LIPA: variants seen among roughly 807,000 people sequenced by gnomAD.
LIPA encodes lipase A, lysosomal acid type, also known as lysosomal acid lipase/cholesteryl ester hydrolase.
In LIPA, 26 loss-of-function variants were observed where a neutral mutation model predicts 40.6. The observed-to-expected ratio is 0.64, with a 90% confidence interval of 0.47 to 0.89. The LOEUF (loss-of-function observed/expected upper bound fraction) is 0.89, where lower values mean the gene tolerates loss of function less well. Among genes scored for constraint, LIPA ranks in the 40% least tolerant of loss-of-function variants. LIPA has a pLI of 0.00. For missense variants in LIPA, 455 were observed against 479.6 expected (o/e 0.95, Z 0.48); for synonymous variants, 188 against 168.4 (o/e 1.12, Z -0.90).
Position 89,318,893 on chromosome 10 carries a change from C to T in LIPA, c.-2+23718G>A, listed in dbSNP as rs554801834. 5.7e-4 allele frequency among the ~76,000 whole-genome samples: 87 copies of T among 152,310 alleles called. 1 individual carries two copies. Among genetic ancestry groups the T allele is most frequent in the African/African-American group, 2.0e-3 (85 of 41,576 alleles). ...AGACCACAGTGCAATCAAACTAGAA[C>T]TCAGGATTAAGAAACTCACTCAAAA... On this transcript the variant is annotated intron_variant, in intron 1 of 5. Coordinates refer to the LIPA transcript ENST00000282673.
At chr10:89,370,975 A>C (rs891312972) in intron 2 of LIPA, among the ~76,000 whole-genome samples, 1 of 152,202 alleles carries the variant, frequency 6.6e-6, no homozygotes, top group African/African-American at 2.4e-5. Context: ...CCGAGATCGC[A>C]CCACTGCACT....
rs12255537 is a variant in LIPA at position 89,222,504 on chromosome 10, T to C, written c.894+7A>G. 1,669 of 1,590,954 alleles carry C rather than the reference T, an allele frequency of 1.0e-3. 16 individuals are homozygous for C. In the African/African-American group the frequency reaches 0.019, roughly 18 times the overall value. On this transcript the variant is annotated splice_region_variant and intron_variant, in intron 8 of 9. Coordinates refer to ENST00000336233, the MANE Select transcript of LIPA (RefSeq NM_000235.4). ...ATGAACCCCAAATGCACTCCTGGAA[T>C]GCCTACCTGGCTCCAGTGTAACATG...
chr10:89,249,095 C>G (rs569737278), intron 1 of LIPA, among the ~76,000 whole-genome samples: 18 of 152,296 alleles, frequency 1.2e-4, no homozygotes, highest in Non-Finnish European at 2.1e-4. Flanking sequence ...CTAACCACTT[C>G]TGTTCTTGCC....
chr10:89,392,467 C>G, intron 2 of LIPA: 7 of 136,438 alleles, frequency 5.1e-5, no homozygotes, highest in South Asian at 1.2e-4. Context: ...AAGTTTCATT[C>G]CCCACCCCCC....
chr10:89,222,572 TC>T lies in LIPA; in HGVS notation c.832del (p.Asp278MetfsTer53). On this transcript the variant is annotated frameshift_variant, in exon 8 of 10. Transcript: ENST00000336233. LOFTEE classifies it high-confidence loss of function. Reference sequence around the variant, plus strand: ...AGCAGGAGAATGTGTTGTATATACATCCACTCTAGACTGCAAAATAAATACA... The same window carrying T: ...AGCAGGAGAATGTGTTGTATATACATCACTCTAGACTGCAAAATAAATACA... ...NERNLNMSRVDVYTTHSPAGT... is the reference protein window; with the variant it reads ...NERNLNMSRVXVYTTHSPAGT... 1 of 1,594,156 alleles carries T rather than the reference TC, an allele frequency of 6.3e-7. No individual in the cohort carries two copies. Among genetic ancestry groups the T allele is most frequent in the Non-Finnish European group, 8.6e-7 (1 of 1,161,780 alleles).
chr10:89,295,613 A>G (rs1843408793), intron 1 of LIPA, among the ~76,000 whole-genome samples: 1 of 152,232 alleles, frequency 6.6e-6, no homozygotes, highest in South Asian at 2.1e-4. Flanking sequence ...TAGCAATATG[A>G]GAATTATTGC....
chr10:89,387,292 T>A (rs954188794), intron 2 of LIPA, among the ~76,000 whole-genome samples: 2 of 138,472 alleles, frequency 1.4e-5, no homozygotes, highest in South Asian at 2.3e-4. Flanking sequence ...TACTCCAGTC[T>A]GGGTGACAGA....
intron 1 of LIPA, among the ~76,000 whole-genome samples, chr10:89,251,353 TG>T (rs1294850871): frequency 3.3e-5 from 5 of 152,152 alleles, no homozygotes; most frequent in Non-Finnish European, 7.4e-5. Context: ...AGAGGTAGGA[TG>T]GGATGCCTGG....
At chr10:89,345,977 A>G (rs1564796579), upstream of LIPA, among the ~76,000 whole-genome samples, 1 of 152,216 alleles carries the variant, frequency 6.6e-6, no homozygotes, top group African/African-American at 2.4e-5. Context: ...AGCAGATGTC[A>G]CCTAAAAACA....
chr10:89,253,044 A>C (rs1251278576), upstream of LIPA, among the ~76,000 whole-genome samples: 1 of 152,222 alleles, frequency 6.6e-6, no homozygotes, highest in Non-Finnish European at 1.5e-5. Flanking sequence ...CATAGTAGAA[A>C]GTAATAGAAC....
At chr10:89,340,166 G>T in intron 1 of LIPA, 1 of 1,535,830 alleles carries the variant, frequency 6.5e-7, no homozygotes. Context: ...AGCCTGCAGT[G>T]GTGGTTGTGA....
At chr10:89,373,334 C>CAAAAA (rs34479360) in intron 2 of LIPA, among the ~76,000 whole-genome samples, 4 of 63,148 alleles carry the variant, frequency 6.3e-5, no homozygotes, top group African/African-American at 1.8e-4. Context: ...GACTCCCTCT[C>CAAAAA]AAAAAAAAAA....
chr10:89,404,968 A>T (rs887611228), intron 2 of LIPA: 2 of 152,190 alleles, frequency 1.3e-5, no homozygotes, highest in Non-Finnish European at 2.9e-5. Context: ...TCAAAAAAAA[A>T]AAAAGTTCTC....
At chr10:89,359,035 G>A (rs1342310904) in intron 2 of LIPA, among the ~76,000 whole-genome samples, 1 of 152,194 alleles carries the variant, frequency 6.6e-6, no homozygotes, top group Non-Finnish European at 1.5e-5. Context: ...AGTGAATGGA[G>A]CAAAGGAGGA....
At chr10:89,339,921 A>G in intron 1 of LIPA, 1 of 1,614,222 alleles carries the variant, frequency 6.2e-7, no homozygotes, top group South Asian at 1.1e-5. Context: ...ATCTTCAAGG[A>G]TTAATTCATA....
At chr10:89,390,642 T>C (rs1391787666) in intron 2 of LIPA, among the ~76,000 whole-genome samples, 1 of 152,190 alleles carries the variant, frequency 6.6e-6, no homozygotes, top group Non-Finnish European at 1.5e-5. Context: ...TTGGCTTTTC[T>C]TTCCTTAATG....
chr10:89,326,749 A>T (rs990142319), intron 1 of LIPA, among the ~76,000 whole-genome samples: 1 of 152,236 alleles, frequency 6.6e-6, no homozygotes, highest in African/African-American at 2.4e-5. Flanking sequence ...GAATTGGCTT[A>T]AAAAATGCTG....
chr10:89,403,524 A>G, intron 2 of LIPA: 1 of 1,613,898 alleles, frequency 6.2e-7, no homozygotes, highest in East Asian at 2.2e-5. Context: ...AACAAGGGAT[A>G]AAAGTATCAA....
In LIPA at chr10:89,221,873, C is replaced by G. The variant is rs111436113; in HGVS notation, c.894+638G>C. Among the ~76,000 whole-genome samples, 1,014 of 152,298 alleles carry G rather than the reference C, an allele frequency of 6.7e-3. 5 individuals carry two copies. The highest frequency in any genetic ancestry group is 0.016 in the African/African-American group (657 of 41,542). ...CAATATCTATGGATATGCATTTCCT[C>G]TCTGTCTAGGGTTATAGAATGATTT... On this transcript the variant is annotated intron_variant, in intron 8 of 9. Coordinates refer to ENST00000336233, the MANE Select transcript of LIPA (RefSeq NM_000235.4).
Sources: gnomAD v4.1 joint callset for allele counts (sites outside exome capture counted in the v4.1 genomes callset) on GRCh38, gnomAD v4.1.1 for gene constraint, MANE v1.5 for transcripts, NCBI Gene and HGNC (gene_info 2026-07-23, HGNC 2026-07-21) for gene names.